The following ROBO2 variants were observed in gnomAD, a reference collection of about 807,000 sequenced individuals.
ROBO2 encodes roundabout homolog 2.
A neutral mutation model predicts 160.8 loss-of-function variants in ROBO2; 53 were observed. The ratio of observed to expected loss-of-function variants is 0.33; its 90% CI spans 0.26 to 0.41. ROBO2 has a LOEUF of 0.41. ROBO2 is among the 10% of genes least tolerant of loss of function. The pLI is 1.00. For synonymous variants in ROBO2, 664 were observed against 611.7 expected (o/e 1.09, Z -1.26); for missense variants, 1,577 against 1,722.4 (o/e 0.92, Z 1.49).
intron 2 of ROBO2, among the ~76,000 whole-genome samples, chr3:76,245,278 T>C (rs368613175): frequency 6.6e-6 from 1 of 152,220 alleles, no homozygotes; most frequent in Non-Finnish European, 1.5e-5. Context: ...TTGAACCCTT[T>C]TGGGGCAGCG....
chr3:76,854,383 G>C (rs1198844765), intron 2 of ROBO2, among the ~76,000 whole-genome samples: 4 of 152,022 alleles, frequency 2.6e-5, no homozygotes, highest in Non-Finnish European at 5.9e-5. Context: ...TGGAATTACT[G>C]GTTTAAATGG....
intron 2 of ROBO2, among the ~76,000 whole-genome samples, chr3:77,223,768 T>C (rs2086130883): frequency 6.6e-6 from 1 of 152,078 alleles, no homozygotes; most frequent in African/African-American, 2.4e-5. Context: ...CAGAAAATAG[T>C]ACAAAACTTT....
chr3:77,268,338 CAG>C (rs1012855807), intron 2 of ROBO2, among the ~76,000 whole-genome samples: 31 of 151,892 alleles, frequency 2.0e-4, no homozygotes, highest in Non-Finnish European at 4.1e-4. Context: ...TATGGAATAA[CAG>C]AAAAAAAGTA....
intron 2 of ROBO2, among the ~76,000 whole-genome samples, chr3:76,095,682 A>G (rs1305026374): frequency 1.3e-5 from 2 of 151,948 alleles, no homozygotes; most frequent in Non-Finnish European, 2.9e-5. Flanking sequence ...AGTACTATCT[A>G]TGGTATTGTC....
chr3:76,062,322 C>A (rs1303623345), intron 2 of ROBO2, among the ~76,000 whole-genome samples: 4 of 127,280 alleles, frequency 3.1e-5, no homozygotes, highest in Admixed American at 8.2e-5. Context: ...TTAAAAATTT[C>A]AGTTGAAACA....
Position 76,401,746 on chromosome 3 carries a change from A to T in ROBO2, c.109+464144A>T, listed in dbSNP as rs140205238. ...ACCTTTACTCTGACAAGAACAAAAAAAAAACTATCATAAAACTGCAAAATC... is the reference window on the plus strand; with the variant it reads ...ACCTTTACTCTGACAAGAACAAAAATAAAACTATCATAAAACTGCAAAATC... On this transcript the variant is annotated intron_variant, in intron 2 of 26. Coordinates refer to the ROBO2 transcript ENST00000487694. 1.6e-3 allele frequency among the ~76,000 whole-genome samples: 243 copies of T among 151,652 alleles called. 2 individuals are homozygous for T. In the East Asian group the frequency reaches 0.032, roughly 20 times the overall value.
At chr3:77,271,820 C>T (rs1167093368) in intron 2 of ROBO2, among the ~76,000 whole-genome samples, 1 of 152,200 alleles carries the variant, frequency 6.6e-6, no homozygotes, top group Non-Finnish European at 1.5e-5. Context: ...GTAGTTTCAT[C>T]ATTTCAAGGA....
chr3:76,053,161 T>G (rs753847715), intron 2 of ROBO2, among the ~76,000 whole-genome samples: 27 of 152,020 alleles, frequency 1.8e-4, no homozygotes, highest in Non-Finnish European at 3.2e-4. Context: ...ATTGAACTTA[T>G]TCAGGGTCAG....
At chr3:77,454,432 C>A (rs1024680763) in intron 2 of ROBO2, among the ~76,000 whole-genome samples, 1 of 152,074 alleles carries the variant, frequency 6.6e-6, no homozygotes, top group East Asian at 1.9e-4. Flanking sequence ...TCAAAACTCT[C>A]TTGATTGCAC....
chr3:77,282,780 T>TG (rs1363616131), intron 2 of ROBO2, among the ~76,000 whole-genome samples: 8 of 152,094 alleles, frequency 5.3e-5, no homozygotes, highest in Admixed American at 3.3e-4. Flanking sequence ...CATAATATAA[T>TG]GATCAGAAAA....
intron 2 of ROBO2, among the ~76,000 whole-genome samples, chr3:77,262,643 G>A (rs2058849110): frequency 6.6e-6 from 1 of 151,846 alleles, no homozygotes; most frequent in Admixed American, 6.6e-5. Flanking sequence ...ACACACACTC[G>A]CACTCCAAAA....
chr3:76,223,672 C>T (rs1704116409), intron 2 of ROBO2, among the ~76,000 whole-genome samples: 1 of 152,086 alleles, frequency 6.6e-6, no homozygotes, highest in African/African-American at 2.4e-5. Flanking sequence ...AGGATAAGGT[C>T]AATAATCTGA....
intron 2 of ROBO2, among the ~76,000 whole-genome samples, chr3:77,453,303 T>G (rs1324440929): frequency 6.6e-6 from 1 of 152,064 alleles, no homozygotes; most frequent in Non-Finnish European, 1.5e-5. Flanking sequence ...AGGCACAGAG[T>G]TAAAGAGAAC....
rs570501921 is a variant in ROBO2, at chr3:77,411,122, T to C, written c.389-66292T>C. 1.2e-4 allele frequency among the ~76,000 whole-genome samples: 19 copies of C among 152,104 alleles called. 1 individual carries two copies. The highest frequency in any genetic ancestry group is 4.4e-5 in the Non-Finnish European group (3 of 68,024). On this transcript the variant is annotated intron_variant, in intron 2 of 25. Coordinates refer to ENST00000461745, the Ensembl canonical transcript of ROBO2. ...CACAAACAGCTTGTAATCTGTAATC[T>C]CTTATAAGCACAGAGCAGAAATAAA... is the stretch of plus-strand genomic sequence containing the variant.
At chr3:76,574,607 C>T (rs2085169386) in intron 2 of ROBO2, among the ~76,000 whole-genome samples, 1 of 152,028 alleles carries the variant, frequency 6.6e-6, no homozygotes, top group Non-Finnish European at 1.5e-5. Context: ...AGTTTTTCTG[C>T]CTGTAAAATG....
intron 2 of ROBO2, among the ~76,000 whole-genome samples, chr3:77,227,320 A>G (rs1337280810): frequency 2.0e-5 from 3 of 152,180 alleles, no homozygotes; most frequent in East Asian, 3.9e-4. Flanking sequence ...AGCATTATAC[A>G]ACTTTTTCAT....
chr3:75,989,892 C>T (rs985865910), intron 2 of ROBO2, among the ~76,000 whole-genome samples: 7 of 152,150 alleles, frequency 4.6e-5, no homozygotes, highest in African/African-American at 1.2e-4. Flanking sequence ...CCATTTTTGG[C>T]GATGTTTCTG....
intron 2 of ROBO2, among the ~76,000 whole-genome samples, chr3:76,106,852 C>T (rs1462594483): frequency 1.3e-5 from 2 of 152,202 alleles, no homozygotes; most frequent in South Asian, 4.1e-4. Context: ...AAGGGGCTTA[C>T]TAGGCTGCGT....
intron 2 of ROBO2, among the ~76,000 whole-genome samples, chr3:76,014,702 A>G (rs372691715): frequency 9.9e-5 from 15 of 152,270 alleles, no homozygotes; most frequent in African/African-American, 3.1e-4. Flanking sequence ...CCCAGGTGGG[A>G]TGATCACTTT....
Sources: gnomAD v4.1 joint callset for allele counts (sites outside exome capture counted in the v4.1 genomes callset) on GRCh38, gnomAD v4.1.1 for gene constraint, MANE v1.5 for transcripts, NCBI Gene and HGNC (gene_info 2026-07-23, HGNC 2026-07-21) for gene names.